The following NBAS variants were observed in gnomAD, a reference collection of about 807,000 sequenced individuals.
NBAS encodes the protein NAG/BC035112 fusion.
NBAS carries 219 observed loss-of-function variants against 302.5 expected under a neutral mutation model. That is an observed-to-expected ratio of 0.72 (90% CI 0.65 to 0.81). NBAS has a LOEUF of 0.81. Ranked by LOEUF, NBAS falls within the 30% of genes least tolerant of loss-of-function variation. The pLI is 0.00. For synonymous variants in NBAS, 1,118 were observed against 1,021.6 expected, an observed-to-expected ratio of 1.09 and a Z score of -1.80; for missense variants, 2,932 against 2,841.6, an observed-to-expected ratio of 1.03 and a Z score of -0.72.
the NBAS span, among the ~76,000 whole-genome samples, chr2:14,976,153 G>T: frequency 6.6e-6 from 1 of 152,216 alleles, no homozygotes; most frequent in Non-Finnish European, 1.5e-5. Context: ...CTGGAACACG[G>T]CATGAGCCTC....
chr2:15,526,553 C>G (rs1662922991), intron 9 of NBAS, among the ~76,000 whole-genome samples: 1 of 152,006 alleles, frequency 6.6e-6, no homozygotes, highest in Non-Finnish European at 1.5e-5. Context: ...ATTTCAGCTT[C>G]TTTCATTTAA....
At chr2:15,493,904 G>A (rs1250636259) in intron 11 of NBAS, among the ~76,000 whole-genome samples, 1 of 144,742 alleles carries the variant, frequency 6.9e-6, no homozygotes, top group Non-Finnish European at 1.5e-5. Context: ...TCAGCTCACT[G>A]CAACCTCTGC....
At chr2:15,412,082 T>A (rs1419995341) in intron 25 of NBAS, among the ~76,000 whole-genome samples, 1 of 152,096 alleles carries the variant, frequency 6.6e-6, no homozygotes, top group Non-Finnish European at 1.5e-5. Context: ...CAAAGACAAA[T>A]GTGGCAGTCA....
At chr2:15,005,836 T>G in the NBAS span, among the ~76,000 whole-genome samples, 1 of 152,232 alleles carries the variant, frequency 6.6e-6, no homozygotes, top group Admixed American at 6.5e-5. Flanking sequence ...TTGCCGTAGT[T>G]TTCACAGAGA....
chr2:15,298,388 A>C (rs1240307847), intron 40 of NBAS, among the ~76,000 whole-genome samples: 7 of 152,358 alleles, frequency 4.6e-5, no homozygotes, highest in Non-Finnish European at 1.0e-4. Context: ...AGAAAAAATT[A>C]CTTACAGGGG....
chr2:15,074,685 A>T, the NBAS span, among the ~76,000 whole-genome samples: 3 of 152,094 alleles, frequency 2.0e-5, no homozygotes, highest in African/African-American at 7.2e-5. Flanking sequence ...AAACCAAAAG[A>T]CAAATAAAGA....
intron 33 of NBAS, among the ~76,000 whole-genome samples, chr2:15,355,121 A>G (rs1404184355): frequency 1.3e-5 from 2 of 152,228 alleles, no homozygotes; most frequent in Admixed American, 1.3e-4. Context: ...TTTCTTTAAC[A>G]GTACACATGT....
chr2:15,528,903 G>GTATATATATATATATGTGTA (rs1406917459), intron 9 of NBAS, among the ~76,000 whole-genome samples: 22 of 141,856 alleles, frequency 1.6e-4, no homozygotes, highest in African/African-American at 3.4e-4. Context: ...ATATATGTGT[G>GTATATATATATATATGTGTA]TATATATATA....
At chr2:14,995,830 T>A in the NBAS span, among the ~76,000 whole-genome samples, 1 of 152,076 alleles carries the variant, frequency 6.6e-6, no homozygotes, top group Non-Finnish European at 1.5e-5. Flanking sequence ...CATGCACTCC[T>A]CCCAGCTCAG....
At chr2:15,516,102 C>T (rs1662379033) in intron 9 of NBAS, among the ~76,000 whole-genome samples, 1 of 152,186 alleles carries the variant, frequency 6.6e-6, no homozygotes, top group Non-Finnish European at 1.5e-5. Context: ...AAGAAAATTT[C>T]AAGCTTGTGA....
intron 44 of NBAS, among the ~76,000 whole-genome samples, chr2:15,244,489 A>G (rs1032418529): frequency 1.3e-5 from 2 of 152,200 alleles, no homozygotes; most frequent in African/African-American, 4.8e-5. Context: ...ATGTCTGTAC[A>G]GCAGATTTTT....
chr2:15,485,165 C>T (rs1389052242), intron 12 of NBAS, among the ~76,000 whole-genome samples: 2 of 152,008 alleles, frequency 1.3e-5, no homozygotes, highest in African/African-American at 4.8e-5. Context: ...CTGGTACACA[C>T]TAACTAGCTC....
intron 27 of NBAS, among the ~76,000 whole-genome samples, chr2:15,395,582 TTC>T (rs1322287193): frequency 6.6e-6 from 1 of 152,100 alleles, no homozygotes; most frequent in Non-Finnish European, 1.5e-5. Context: ...CACAAAAACA[TTC>T]TGTTCCCTTA....
At chr2:15,083,269 C>CTAAATCATCTGCCCA in the NBAS span, among the ~76,000 whole-genome samples, 1 of 152,214 alleles carries the variant, frequency 6.6e-6, no homozygotes, top group African/African-American at 2.4e-5. Flanking sequence ...TGCTCCTGAA[C>CTAAATCATCTGCCCA]TAAATCATCT....
At chr2:14,938,251 T>C in the NBAS span, among the ~76,000 whole-genome samples, 1 of 152,230 alleles carries the variant, frequency 6.6e-6, no homozygotes, top group African/African-American at 2.4e-5. Flanking sequence ...AGATTACTAA[T>C]AAATTTACAA....
the NBAS span, among the ~76,000 whole-genome samples, chr2:14,957,381 T>G: frequency 5.9e-5 from 9 of 151,976 alleles, no homozygotes; most frequent in African/African-American, 2.2e-4. Flanking sequence ...AATTACCTTT[T>G]CAAAAGTTCT....
At chr2:15,288,040 C>G (rs1670134980) in intron 41 of NBAS, among the ~76,000 whole-genome samples, 1 of 152,234 alleles carries the variant, frequency 6.6e-6, no homozygotes, top group Admixed American at 6.5e-5. Context: ...AGGCAGCCCC[C>G]ACAGCCAAGA....
At chr2:15,268,529 G>T (rs961816455) in intron 44 of NBAS, among the ~76,000 whole-genome samples, 1 of 152,092 alleles carries the variant, frequency 6.6e-6, no homozygotes, top group Non-Finnish European at 1.5e-5. Context: ...TTAAAATGTG[G>T]CTATTAGAAA....
intron 41 of NBAS, 82 bp downstream of exon 41, chr2:15,292,455 C>A: frequency 7.0e-7 from 1 of 1,424,778 alleles, no homozygotes; most frequent in African/African-American, 1.4e-5. Context: ...CTTCAAAGGA[C>A]TGAAATTAAT....
Sources: allele counts gnomAD v4.1 joint callset (sites outside exome capture counted in the v4.1 genomes callset), GRCh38; gene constraint gnomAD v4.1.1; transcripts MANE v1.5; gene names NCBI Gene and HGNC (gene_info 2026-07-23, HGNC 2026-07-21).